The following SCMH1 variants were observed in gnomAD, a reference collection of about 807,000 sequenced individuals.
The protein encoded by SCMH1 is Scm polycomb group protein homolog 1, also known as polycomb protein SCMH1.
Under a neutral mutation model 70.8 loss-of-function variants are expected in SCMH1, and 37 were observed. The ratio of observed to expected loss-of-function variants is 0.52; its 90% CI spans 0.40 to 0.69. The LOEUF (loss-of-function observed/expected upper bound fraction) is 0.69. Among genes scored for constraint, SCMH1 ranks in the 30% least tolerant of loss-of-function variants. The pLI, the probability that SCMH1 is intolerant of heterozygous loss-of-function variation, is 0.00. For synonymous variants in SCMH1, 292 were observed against 307.4 expected (o/e 0.95, Z 0.52); for missense variants, 607 against 827.3 (o/e 0.73, Z 3.27).
chr1:41,237,626 A>G (rs1325208366), intron 1 of SCMH1, among the ~76,000 whole-genome samples: 1 of 152,190 alleles, frequency 6.6e-6, no homozygotes, highest in Non-Finnish European at 1.5e-5. Flanking sequence ...TACAAATACA[A>G]TACTCAAACC....
intron 2 of SCMH1, among the ~76,000 whole-genome samples, chr1:41,168,480 T>C (rs912254679): frequency 1.3e-5 from 2 of 152,154 alleles, no homozygotes; most frequent in Non-Finnish European, 2.9e-5. Flanking sequence ...TTGATGTCTA[T>C]TTGGTACTAT....
intron 14 of SCMH1, 98 bp from the exon 16 acceptor site, chr1:41,028,417 A>G: frequency 6.5e-7 from 1 of 1,534,498 alleles, no homozygotes; most frequent in Non-Finnish European, 8.9e-7. Flanking sequence ...CATCCTGGGA[A>G]GTGCCCGCCA....
At chr1:41,055,221 G>A (rs1317209567) in intron 10 of SCMH1, among the ~76,000 whole-genome samples, 1 of 152,156 alleles carries the variant, frequency 6.6e-6, no homozygotes, top group Non-Finnish European at 1.5e-5. Context: ...AACTAAAAAG[G>A]CAATCTCAGT....
intron 4 of SCMH1, chr1:41,159,644 T>C: frequency 6.2e-6 from 9 of 1,442,210 alleles, no homozygotes; most frequent in Non-Finnish European, 8.3e-6. Context: ...CTACCACACA[T>C]CAGTACCTTA....
intron 8 of SCMH1, chr1:41,099,032 G>A: frequency 7.9e-6 from 2 of 254,688 alleles, no homozygotes; most frequent in East Asian, 1.0e-4. Flanking sequence ...CACTGATGTG[G>A]TCAACACCCT....
chr1:41,218,639 C>T (rs1306347022), intron 1 of SCMH1, among the ~76,000 whole-genome samples: 6 of 152,164 alleles, frequency 3.9e-5, no homozygotes, highest in Non-Finnish European at 7.3e-5. Flanking sequence ...TTTGTTACAG[C>T]AACCCTAGGA....
rs1176265994 is a variant in SCMH1, at chr1:41,113,809, C to G, written c.502-283G>C. Among the ~76,000 whole-genome samples, 3 of 152,100 alleles carry G rather than the reference C, an allele frequency of 2.0e-5. No homozygotes were observed. The highest frequency in any genetic ancestry group is 6.5e-5 in the Admixed American group (1 of 15,272). ...TTTCTGCCCTTCCCATATTCCATTCCCCCTCTACCTACCACGGAGGTAACA... is the reference window on the plus strand; with the variant it reads ...TTTCTGCCCTTCCCATATTCCATTCGCCCTCTACCTACCACGGAGGTAACA... On this transcript the variant is annotated intron_variant, in intron 7 of 14. Coordinates refer to ENST00000337495, the Ensembl canonical transcript of SCMH1. This position sits in a 1 kb window ranked among gnomAD's most constrained non-coding sequence, Gnocchi z 4.3.
At chr1:41,114,590 A>T (rs761095884) in intron 7 of SCMH1, among the ~76,000 whole-genome samples, 2,484 of 151,338 alleles carry the variant, frequency 0.016, 27 homozygotes, top group South Asian at 0.03. Flanking sequence ...GGTGGAAATA[A>T]CCTTTATTAT....
chr1:41,071,002 G>C (rs1656281515), intron 9 of SCMH1, among the ~76,000 whole-genome samples: 1 of 151,570 alleles, frequency 6.6e-6, no homozygotes, highest in Non-Finnish European at 1.5e-5. Flanking sequence ...TGAAGTTTCA[G>C]ATCCCTTATT....
Position 41,132,411 on chromosome 1 carries a change from T to G in SCMH1, c.412+10467A>C, listed in dbSNP as rs148310215. Among the ~76,000 whole-genome samples, 821 of 152,338 alleles carry G rather than the reference T, an allele frequency of 5.4e-3. 3 individuals are homozygous for G. Among genetic ancestry groups the G allele is most frequent in the African/African-American group, 0.018 (758 of 41,568 alleles). ...GATGGGATTGTTTGTGTTTTTCTTG[T>G]AAATTTGTTTTTCTTTGTAAATTCT... On this transcript the variant is annotated intron_variant, in intron 6 of 14. Transcript: ENST00000337495.
chr1:41,139,050 A>G (rs1328844545), intron 6 of SCMH1, among the ~76,000 whole-genome samples: 2 of 152,148 alleles, frequency 1.3e-5, no homozygotes, highest in Non-Finnish European at 2.9e-5. Flanking sequence ...TTTATTCTGT[A>G]TAATCCTAAA....
At chr1:41,121,042 A>G (rs1411865441) in intron 6 of SCMH1, among the ~76,000 whole-genome samples, 2 of 152,220 alleles carry the variant, frequency 1.3e-5, no homozygotes, top group Non-Finnish European at 2.9e-5. Flanking sequence ...CTGAATTTAA[A>G]TCCAGCTTTG....
At chr1:41,196,132 G>T (rs1652960015) in intron 1 of SCMH1, among the ~76,000 whole-genome samples, 1 of 151,988 alleles carries the variant, frequency 6.6e-6, no homozygotes, top group Non-Finnish European at 1.5e-5. Context: ...TGTTAAGATG[G>T]CAATACTATC....
chr1:41,170,962 C>A (rs1646746598), intron 2 of SCMH1, among the ~76,000 whole-genome samples: 1 of 152,174 alleles, frequency 6.6e-6, no homozygotes, highest in South Asian at 2.1e-4. Flanking sequence ...ATATTAAAAA[C>A]TTAACATGAC....
intron 6 of SCMH1, among the ~76,000 whole-genome samples, chr1:41,136,387 T>C (rs1014331115): frequency 2.6e-5 from 4 of 151,644 alleles, no homozygotes; most frequent in African/African-American, 9.7e-5. Context: ...TCTTTCTTTT[T>C]TTTTTTTTTG....
At position 41,047,259 on chromosome 1, in the gene SCMH1, G is replaced by A. The variant is rs1646975875; in HGVS notation, c.1307-661C>T. ...GGAGAAGAACCCCAGAGAGGGTATA[G>A]GAGAGCAGCTAAAGAGAGGCAGTAA... On this transcript the variant is annotated intron_variant, in intron 11 of 14. Transcript: ENST00000337495. Among the ~76,000 whole-genome samples the A allele has an allele frequency of 5.9e-5, 9 of 152,236 alleles. No individual in the cohort carries two copies. The South Asian group carries it at 1.7e-3, about 28-fold the overall frequency.
intron 1 of SCMH1, among the ~76,000 whole-genome samples, chr1:41,240,706 T>C (rs1342455210): frequency 6.6e-6 from 1 of 152,030 alleles, no homozygotes; most frequent in Non-Finnish European, 1.5e-5. Context: ...CAAAATAAGA[T>C]GTCTTTTAGT....
intron 2 of SCMH1, 163 bp downstream of exon 2, chr1:41,185,958 C>G (rs1487289760): frequency 1.7e-6 from 1 of 585,786 alleles, no homozygotes; most frequent in Admixed American, 3.5e-5. Flanking sequence ...TTCAGACCTC[C>G]TCTCCCAATC....
intron 1 of SCMH1, among the ~76,000 whole-genome samples, chr1:41,233,047 T>C (rs1038699586): frequency 6.6e-6 from 1 of 152,234 alleles, no homozygotes; most frequent in East Asian, 1.9e-4. Context: ...TAGGCCTCAG[T>C]TTCTTTACTG....
Sources: allele counts gnomAD v4.1 joint callset (sites outside exome capture counted in the v4.1 genomes callset), GRCh38; gene constraint gnomAD v4.1.1; non-coding constraint Gnocchi (gnomAD v3.1); transcripts MANE v1.5; gene names NCBI Gene and HGNC (gene_info 2026-07-23, HGNC 2026-07-21).